The following PHF24 variants were observed in gnomAD, a reference collection of about 807,000 sequenced individuals.
PHF24 encodes Galpha inhibitory interacting protein.
PHF24 carries 25 observed loss-of-function variants against 42.6 expected under a neutral mutation model. That is an observed-to-expected ratio of 0.59 (90% confidence interval 0.43 to 0.82). The LOEUF (loss-of-function observed/expected upper bound fraction) is 0.82. PHF24 is among the 40% of genes least tolerant of loss of function. The probability of loss-of-function intolerance (pLI) is 0.00; values close to 1 mark genes in which losing one functional copy is unlikely to be tolerated. For synonymous variants in PHF24, 185 were observed against 204.8 expected (o/e 0.90, Z 0.83); for missense variants, 470 against 538.1 (o/e 0.87, Z 1.25).
At chr9:34,887,553 A>G in the PHF24 span, among the ~76,000 whole-genome samples, 1 of 152,092 alleles carries the variant, frequency 6.6e-6, no homozygotes, top group African/African-American at 2.4e-5. Context: ...AGGCATCTGC[A>G]TTAGCTGTAA....
At chr9:34,802,810 T>C in the PHF24 span, among the ~76,000 whole-genome samples, 1 of 152,228 alleles carries the variant, frequency 6.6e-6, no homozygotes, top group Admixed American at 6.5e-5. Flanking sequence ...CTGATCTGGC[T>C]GCCCACTACA....
At chr9:34,727,953 C>T in the PHF24 span, 2 of 1,452,454 alleles carry the variant, frequency 1.4e-6, no homozygotes, top group Non-Finnish European at 1.9e-6. Context: ...TAGTCCTGCC[C>T]CAGGCCAAGC....
At chr9:34,814,931 G>C in the PHF24 span, among the ~76,000 whole-genome samples, 1 of 152,242 alleles carries the variant, frequency 6.6e-6, no homozygotes, top group South Asian at 2.1e-4. Context: ...AGTAGAGACA[G>C]GGTTTCGCCA....
the PHF24 span, chr9:34,835,830 G>A: frequency 7.1e-7 from 1 of 1,416,186 alleles, no homozygotes; most frequent in Non-Finnish European, 9.8e-7. Flanking sequence ...TGATATTTCT[G>A]GAATGGAGCT....
chr9:34,844,613 A>G, the PHF24 span, among the ~76,000 whole-genome samples: 1 of 152,108 alleles, frequency 6.6e-6, no homozygotes, highest in Non-Finnish European at 1.5e-5. Context: ...CCTGTTAACA[A>G]GTTCTAGTTT....
At chr9:34,682,039 G>A in the PHF24 span, among the ~76,000 whole-genome samples, 85,635 of 151,638 alleles carry the variant, frequency 0.56, 24,655 homozygotes, top group East Asian at 0.8. Flanking sequence ...CAGTGTCATG[G>A]TCACGGCTCA....
chr9:34,690,396 C>T, the PHF24 span: 1 of 1,578,372 alleles, frequency 6.3e-7, no homozygotes, highest in Non-Finnish European at 8.6e-7. Flanking sequence ...GGTGGCATGG[C>T]CATGGCCCTA....
At chr9:34,674,231 T>C in the PHF24 span, among the ~76,000 whole-genome samples, 1 of 152,244 alleles carries the variant, frequency 6.6e-6, no homozygotes, top group Admixed American at 6.5e-5. Flanking sequence ...CAGTTTATAA[T>C]GAGTGGAACA....
the PHF24 span, among the ~76,000 whole-genome samples, chr9:34,907,505 T>C: frequency 7.2e-5 from 11 of 152,198 alleles, no homozygotes; most frequent in Non-Finnish European, 1.5e-4. Flanking sequence ...ATTTCCCCTT[T>C]GCCACCTAGA....
At chr9:34,913,454 G>T in the PHF24 span, among the ~76,000 whole-genome samples, 1 of 152,018 alleles carries the variant, frequency 6.6e-6, no homozygotes, top group Non-Finnish European at 1.5e-5. Context: ...GATAGAATAC[G>T]TTTCACAGAA....
the PHF24 span, among the ~76,000 whole-genome samples, chr9:34,747,355 G>T: frequency 6.6e-6 from 1 of 152,142 alleles, no homozygotes; most frequent in Non-Finnish European, 1.5e-5. Flanking sequence ...GCTCAAGGCT[G>T]CATTGAACTA....
chr9:34,937,396 G>A, the PHF24 span, among the ~76,000 whole-genome samples: 255 of 152,170 alleles, frequency 1.7e-3, no homozygotes, highest in African/African-American at 5.2e-3. Flanking sequence ...ACTCAGGGTT[G>A]AATGGATTAA....
the PHF24 span, among the ~76,000 whole-genome samples, chr9:34,676,937 C>T: frequency 9.8e-5 from 15 of 152,346 alleles, no homozygotes; most frequent in African/African-American, 3.6e-4. Context: ...AATCCATTCC[C>T]GTGATCCAAT....
the PHF24 span, among the ~76,000 whole-genome samples, chr9:34,931,399 G>A: frequency 2.5e-5 from 3 of 119,600 alleles, no homozygotes; most frequent in Non-Finnish European, 5.6e-5. Context: ...AAAAAAGAAT[G>A]GTATAATGAA....
the PHF24 span, among the ~76,000 whole-genome samples, chr9:34,836,661 A>T: frequency 6.6e-6 from 1 of 152,166 alleles, no homozygotes; most frequent in Non-Finnish European, 1.5e-5. Flanking sequence ...GAACTAAAGG[A>T]AGTATTATCA....
the PHF24 span, among the ~76,000 whole-genome samples, chr9:34,697,583 G>A: frequency 6.6e-6 from 1 of 152,178 alleles, no homozygotes; most frequent in Admixed American, 6.6e-5. Flanking sequence ...GCCTCCCAAA[G>A]TACTGGGATT....
the PHF24 span, among the ~76,000 whole-genome samples, chr9:34,792,531 G>A: frequency 4.6e-5 from 7 of 152,220 alleles, no homozygotes; most frequent in East Asian, 3.9e-4. Flanking sequence ...TTAGCAGGGT[G>A]TGGTGGTGCG....
chr9:34,873,974 G>A, the PHF24 span, among the ~76,000 whole-genome samples: 7 of 152,164 alleles, frequency 4.6e-5, no homozygotes. Context: ...GTGAATGGAA[G>A]TTCACTCATG....
the PHF24 span, among the ~76,000 whole-genome samples, chr9:34,815,613 T>C: frequency 6.6e-6 from 1 of 152,204 alleles, no homozygotes; most frequent in African/African-American, 2.4e-5. Flanking sequence ...TGAGCTACCA[T>C]GCCTGGCCCC....
Sources: gnomAD v4.1 joint callset for allele counts (sites outside exome capture counted in the v4.1 genomes callset) on GRCh38, gnomAD v4.1.1 for gene constraint, MANE v1.5 for transcripts, NCBI Gene and HGNC (gene_info 2026-07-23, HGNC 2026-07-21) for gene names.